The following SORCS3 variants were observed in gnomAD, a reference collection of about 807,000 sequenced individuals.
SORCS3 encodes the protein VPS10 domain-containing receptor SorCS3.
SORCS3 carries 57 observed loss-of-function variants against 146.3 expected under a neutral mutation model. The observed-to-expected ratio is 0.39, with a 90% confidence interval of 0.31 to 0.49. The LOEUF (loss-of-function observed/expected upper bound fraction) is 0.49, where lower values mean the gene tolerates loss of function less well. Among genes scored for constraint, SORCS3 ranks in the 20% least tolerant of loss-of-function variants. The pLI is 0.92. For synonymous variants in SORCS3, 653 were observed against 618.5 expected (o/e 1.06, Z -0.83); for missense variants, 1,341 against 1,575.5 (o/e 0.85, Z 2.52).
chr10:104,748,434 A>G (rs2016941287), intron 1 of SORCS3, among the ~76,000 whole-genome samples: 1 of 152,176 alleles, frequency 6.6e-6, no homozygotes, highest in Admixed American at 6.5e-5. Flanking sequence ...AAGCAATGGG[A>G]ACCGTCTGGA....
At chr10:105,103,151 G>A (rs1194775951) in intron 6 of SORCS3, among the ~76,000 whole-genome samples, 2 of 152,086 alleles carry the variant, frequency 1.3e-5, no homozygotes. Flanking sequence ...TATGAATTCT[G>A]TGTGGAGGAG....
intron 5 of SORCS3, among the ~76,000 whole-genome samples, chr10:105,046,158 G>A (rs922278674): frequency 1.3e-5 from 2 of 151,990 alleles, no homozygotes; most frequent in African/African-American, 4.8e-5. Context: ...AAGCAGGCAT[G>A]GTAAAAACAA....
At chr10:105,202,736 C>G (rs1223937772) in intron 16 of SORCS3, among the ~76,000 whole-genome samples, 1 of 152,106 alleles carries the variant, frequency 6.6e-6, no homozygotes, top group Non-Finnish European at 1.5e-5. Flanking sequence ...GAACATTGTT[C>G]CTTTTAGGAG....
intron 5 of SORCS3, among the ~76,000 whole-genome samples, chr10:105,059,599 C>G (rs149630406): frequency 1.3e-5 from 2 of 152,276 alleles, no homozygotes; most frequent in East Asian, 1.9e-4. Context: ...ATTTCTGACT[C>G]TCTCTAAGGT....
intron 4 of SORCS3, among the ~76,000 whole-genome samples, chr10:104,979,304 T>TC (rs2054919614): frequency 6.6e-6 from 1 of 152,188 alleles, no homozygotes; most frequent in Non-Finnish European, 1.5e-5. Flanking sequence ...CAACTTATAC[T>TC]TAAGAAAAGA....
intron 1 of SORCS3, among the ~76,000 whole-genome samples, chr10:104,794,064 T>A (rs1327698743): frequency 6.6e-6 from 1 of 152,144 alleles, no homozygotes. Context: ...CTCATCTCAG[T>A]TTTCATGGCA....
intron 1 of SORCS3, among the ~76,000 whole-genome samples, chr10:104,707,940 G>T (rs2133436571): frequency 6.6e-6 from 1 of 152,278 alleles, no homozygotes; most frequent in Admixed American, 6.5e-5. Context: ...GGTTGGACTT[G>T]ACAGTGAGAG....
At chr10:104,962,208 A>G (rs1291928409) in intron 3 of SORCS3, among the ~76,000 whole-genome samples, 2 of 152,072 alleles carry the variant, frequency 1.3e-5, no homozygotes, top group African/African-American at 2.4e-5. Flanking sequence ...TGGGCTTTCT[A>G]GGTAGGGGAG....
intron 18 of SORCS3, 43 bp from the exon 19 acceptor site, chr10:105,216,893 G>C: frequency 6.2e-7 from 1 of 1,604,752 alleles, no homozygotes; most frequent in South Asian, 1.1e-5. Context: ...TAGGAGTCTG[G>C]CTGGACCAAG....
chr10:105,131,805 A>C (rs1430507929), intron 7 of SORCS3, among the ~76,000 whole-genome samples: 1 of 152,102 alleles, frequency 6.6e-6, no homozygotes, highest in East Asian at 1.9e-4. Flanking sequence ...GGTGCTACAC[A>C]CTTTTAAACA....
At chr10:105,186,332 T>C (rs1423875355) in intron 14 of SORCS3, among the ~76,000 whole-genome samples, 1 of 152,228 alleles carries the variant, frequency 6.6e-6, no homozygotes, top group Non-Finnish European at 1.5e-5. Context: ...CTGTGTCTTA[T>C]TTATTATCTC....
At chr10:105,227,197 G>A (rs781580162) in intron 20 of SORCS3, among the ~76,000 whole-genome samples, 8 of 151,760 alleles carry the variant, frequency 5.3e-5, no homozygotes, top group Non-Finnish European at 1.0e-4. Context: ...TGCTATAAGC[G>A]TACCTCTCAG....
chr10:105,201,039 C>T, intron 15 of SORCS3, 81 bp from the exon 16 acceptor site: 2 of 1,486,684 alleles, frequency 1.3e-6, no homozygotes, highest in South Asian at 1.2e-5. Context: ...AATGAACAGG[C>T]TAATGCTTCT....
At chr10:104,689,284 AC>A (rs1486407859) in intron 1 of SORCS3, among the ~76,000 whole-genome samples, 1 of 152,092 alleles carries the variant, frequency 6.6e-6, no homozygotes, top group Non-Finnish European at 1.5e-5. Flanking sequence ...CAGCTCAGAT[AC>A]CTCTTCCTCC....
intron 5 of SORCS3, among the ~76,000 whole-genome samples, chr10:105,073,821 T>C (rs921069520): frequency 7.2e-5 from 11 of 152,280 alleles, no homozygotes; most frequent in Non-Finnish European, 1.2e-4. Context: ...AAGGATTTGT[T>C]TGAAGGAACA....
At chr10:105,193,269 T>TACTTGC (rs1443528811) in intron 14 of SORCS3, among the ~76,000 whole-genome samples, 1 of 152,202 alleles carries the variant, frequency 6.6e-6, no homozygotes, top group Admixed American at 6.5e-5. Flanking sequence ...TGAGATTGTT[T>TACTTGC]CTGTCCTTCT....
chr10:104,902,645 A>G (rs1247500602), intron 2 of SORCS3, among the ~76,000 whole-genome samples: 1 of 152,196 alleles, frequency 6.6e-6, no homozygotes, highest in South Asian at 2.1e-4. Flanking sequence ...TTGTGAAGTC[A>G]TTGTTATTTT....
chr10:104,832,990 G>A (rs887231753), intron 1 of SORCS3, among the ~76,000 whole-genome samples: 2 of 152,178 alleles, frequency 1.3e-5, no homozygotes, highest in Non-Finnish European at 2.9e-5. Context: ...CCTCACATGG[G>A]TGTCAGCTCC....
At position 105,079,729 on chromosome 10, in the gene SORCS3, C is replaced by G. The variant is rs910602642; in HGVS notation, c.1029-10046C>G. Among the ~76,000 whole-genome samples, 3 of 152,282 alleles carry G rather than the reference C, an allele frequency of 2.0e-5. No individual in the cohort carries two copies. The South Asian group carries it at 6.2e-4, about 32-fold the overall frequency. On this transcript the variant is annotated intron_variant, in intron 5 of 26. Transcript: ENST00000369701. ...CTGCTCCTCTCCTTCCTCCCACTCTCCACCCTCTGGTAGGCCCCAGTGTTT... is the reference window on the plus strand; with the variant it reads ...CTGCTCCTCTCCTTCCTCCCACTCTGCACCCTCTGGTAGGCCCCAGTGTTT...
Sources: gnomAD v4.1 joint callset for allele counts (sites outside exome capture counted in the v4.1 genomes callset) on GRCh38, gnomAD v4.1.1 for gene constraint, MANE v1.5 for transcripts, NCBI Gene and HGNC (gene_info 2026-07-23, HGNC 2026-07-21) for gene names.